The following COL12A1 variants were observed in gnomAD, a reference collection of about 807,000 sequenced individuals.
COL12A1 encodes collagen type XII alpha 1 chain.
Under a neutral mutation model 349.7 loss-of-function variants are expected in COL12A1, and 114 were observed. The observed-to-expected ratio is 0.33, with a 90% CI of 0.28 to 0.38. The LOEUF is 0.38. COL12A1 is among the 10% of genes least tolerant of loss of function. The pLI is 1.00. For synonymous variants in COL12A1, 1,369 were observed against 1,329.0 expected (o/e 1.03, Z -0.66); for missense variants, 3,284 against 3,756.9 (o/e 0.87, Z 3.29).
intron 64 of COL12A1, among the ~76,000 whole-genome samples, chr6:75,088,840 A>T (rs938556015): frequency 5.3e-5 from 8 of 151,898 alleles, no homozygotes; most frequent in African/African-American, 1.9e-4. Context: ...CTCTACTAAA[A>T]ATTAAAAAAA....
chr6:75,182,535 A>G (rs1416015414), intron 10 of COL12A1, among the ~76,000 whole-genome samples: 1 of 152,216 alleles, frequency 6.6e-6, no homozygotes, highest in Non-Finnish European at 1.5e-5. Context: ...TGAAAAGGAC[A>G]CAAACTCAAG....
intron 22 of COL12A1, 123 bp downstream of exon 22, chr6:75,148,235 T>C: frequency 1.1e-6 from 1 of 923,504 alleles, no homozygotes; most frequent in Non-Finnish European, 1.6e-6. Flanking sequence ...AGCACTATTC[T>C]TGACTCATTT....
intron 13 of COL12A1, among the ~76,000 whole-genome samples, chr6:75,173,628 G>A (rs1369878479): frequency 6.6e-6 from 1 of 152,164 alleles, no homozygotes; most frequent in African/African-American, 2.4e-5. Flanking sequence ...ACCTGCCTTG[G>A]TCTCGCAAAG....
chr6:75,198,377 T>G (rs1770340670), intron 2 of COL12A1, among the ~76,000 whole-genome samples: 4 of 151,618 alleles, frequency 2.6e-5, no homozygotes, highest in Non-Finnish European at 4.4e-5. Flanking sequence ...ATACCTATAT[T>G]TGTAAATATA....
chr6:75,185,299 A>G (rs1325839619), intron 8 of COL12A1, among the ~76,000 whole-genome samples: 1 of 152,220 alleles, frequency 6.6e-6, no homozygotes, highest in African/African-American at 2.4e-5. Flanking sequence ...AATGTGCAAA[A>G]ATTGCCAGCA....
intron 59 of COL12A1, 70 bp from the exon 60 acceptor site, chr6:75,095,249 A>G: frequency 8.4e-7 from 1 of 1,186,232 alleles, no homozygotes; most frequent in Non-Finnish European, 1.2e-6. Flanking sequence ...AAATGAATAC[A>G]GCCTGTTTTA....
At chr6:75,162,883 T>C (rs1207749550) in intron 14 of COL12A1, among the ~76,000 whole-genome samples, 3 of 152,178 alleles carry the variant, frequency 2.0e-5, no homozygotes, top group African/African-American at 7.2e-5. Context: ...AAAGAAGACA[T>C]TTATGCAGCC....
chr6:75,157,469 A>T (rs1350691195), intron 14 of COL12A1, among the ~76,000 whole-genome samples: 4 of 152,014 alleles, frequency 2.6e-5, no homozygotes, highest in Non-Finnish European at 5.9e-5. Flanking sequence ...AAAAATAAAC[A>T]CAATAATTTT....
intron 14 of COL12A1, among the ~76,000 whole-genome samples, chr6:75,162,965 T>C (rs534718988): frequency 5.4e-4 from 82 of 152,140 alleles, no homozygotes; most frequent in African/African-American, 1.9e-3. Flanking sequence ...CAATGAGATA[T>C]CAGCTCACAC....
At chr6:75,170,945 G>C (rs1048010915) in intron 13 of COL12A1, among the ~76,000 whole-genome samples, 1 of 152,092 alleles carries the variant, frequency 6.6e-6, no homozygotes, top group Non-Finnish European at 1.5e-5. Flanking sequence ...TGAAACAAAG[G>C]AAATTCTAAA....
Position 75,146,088 on chromosome 6 carries a change from CA to C in COL12A1, c.4560+13del. ...TTGGGAAGACCCAATGTTAAAGAAACAAACATCTTTCACCTCTTTGGGTCTT... is the reference window on the plus strand; with the variant it reads ...TTGGGAAGACCCAATGTTAAAGAAACAACATCTTTCACCTCTTTGGGTCTT... On this transcript the variant is annotated intron_variant, in intron 24 of 65. Coordinates refer to ENST00000322507, the MANE Select transcript of COL12A1 (RefSeq NM_004370.6). 1 of 1,577,308 alleles carries C rather than the reference CA, an allele frequency of 6.3e-7. No individual in the cohort carries two copies. Among genetic ancestry groups the C allele is most frequent in the Non-Finnish European group, 8.6e-7 (1 of 1,164,322 alleles).
chr6:75,193,401 G>A (rs887392117), intron 3 of COL12A1, among the ~76,000 whole-genome samples: 15 of 152,058 alleles, frequency 9.9e-5, no homozygotes, highest in South Asian at 4.2e-4. Flanking sequence ...AAAAAGCTAC[G>A]TTTCCTGGTA....
In COL12A1 at chr6:75,148,460, C is replaced by G; in HGVS notation, c.4185G>C (p.Glu1395Asp). ...TCACTCTAAAAGAACGATGGGTTCG[C>G]TCAGAAATAACTAAGTTAGAAGGTG... is the stretch of plus-strand genomic sequence containing the variant. ...LEAPSNLVIS[E>D]RTHRSFRVSW... Residue 1395 changes from glutamate to aspartate, a missense_variant, in exon 22 of 66, where the codon GAG (glutamate) becomes GAC (aspartate). Transcript: ENST00000322507. The G allele has an allele frequency of 6.2e-7, 1 of 1,613,464 alleles. No individual in the cohort carries two copies. The highest frequency in any genetic ancestry group is 8.5e-7 in the Non-Finnish European group (1 of 1,179,536).
At chr6:75,177,253 A>C (rs1769008342) in intron 12 of COL12A1, among the ~76,000 whole-genome samples, 1 of 152,102 alleles carries the variant, frequency 6.6e-6, no homozygotes, top group South Asian at 2.1e-4. Flanking sequence ...CCTGGCCAAC[A>C]TGGTGAAACC....
At position 75,165,568 on chromosome 6, in the gene COL12A1, T is replaced by C; in HGVS notation, c.2922A>G (p.Ser974=). 1 of 1,613,960 alleles carries C rather than the reference T, an allele frequency of 6.2e-7. No individual in the cohort carries two copies. The highest frequency in any genetic ancestry group is 1.1e-5 in the South Asian group (1 of 91,080). ...NLQPETKYRI[S]VFATYSSGEG... is the part of the protein sequence containing the mutation. ...CTCCACTGCTGTAAGTGGCAAATACTGAAATTCTGTATTTGGTCTCTGGCT... is the reference window on the plus strand; with the variant it reads ...CTCCACTGCTGTAAGTGGCAAATACCGAAATTCTGTATTTGGTCTCTGGCT... Residue 974 remains serine (S), a synonymous_variant, in exon 14 of 66, where the codon TCA becomes TCG. Transcript: ENST00000322507.
At chr6:75,142,397 C>T (rs1052888661) in intron 26 of COL12A1, among the ~76,000 whole-genome samples, 2 of 152,126 alleles carry the variant, frequency 1.3e-5, no homozygotes, top group Non-Finnish European at 2.9e-5. Context: ...TAATTACTGC[C>T]TATGTATTCA....
At chr6:75,113,516 G>T (rs1582069457) in intron 50 of COL12A1, 86 bp downstream of exon 50, 1 of 1,249,750 alleles carries the variant, frequency 8.0e-7, no homozygotes, top group East Asian at 2.6e-5. Flanking sequence ...TATATATATA[G>T]TCTATATTCA....
rs369104842 is a variant in COL12A1, at chr6:75,097,282, T to C, written c.8548A>G (p.Met2850Val). ...DRGFTGKDGA[M>V]GPRGPPGPPG... ...GGCCCTGGTGGGCCCCTGGGTCCCA[T>C]TGCACCGTCTTTTCCAGTGAAGCCC... Residue 2850 changes from methionine to valine, a missense_variant, in exon 59 of 66, where the codon ATG becomes GTG. Met to Val is a conservative substitution (Grantham distance 21). Coordinates refer to ENST00000322507, the MANE Select transcript of COL12A1 (RefSeq NM_004370.6). 161 of 1,613,890 alleles carry C rather than the reference T, an allele frequency of 1.0e-4. No individual in the cohort carries two copies. The highest frequency in any genetic ancestry group is 3.7e-4 in the African/African-American group (28 of 75,030).
At position 75,177,569 on chromosome 6, in the gene COL12A1, T is replaced by A. The variant is rs1769027648; in HGVS notation, c.2437+94A>T. The A allele has an allele frequency of 9.0e-6, 13 of 1,440,946 alleles. No individual in the cohort carries two copies. The South Asian group carries it at 1.6e-4, about 17-fold the overall frequency. 89.3% of individuals were successfully genotyped at this position (1,440,946 alleles called of 1,614,324 possible). On this transcript the variant is annotated intron_variant, in intron 12 of 65. Transcript: ENST00000322507. ...ACATACTCAAACAATTGAAACAAAG[T>A]GTCTCATTAGTTTTTTATCTGGATA...
Sources: gnomAD v4.1 joint callset for allele counts (sites outside exome capture counted in the v4.1 genomes callset) on GRCh38, gnomAD v4.1.1 for gene constraint, MANE v1.5 for transcripts, NCBI Gene and HGNC (gene_info 2026-07-23, HGNC 2026-07-21) for gene names.